Variants in KCNIP4 observed in about 807,000 individuals in gnomAD.
The protein encoded by KCNIP4 is Kv channel-interacting protein 4.
Under a neutral mutation model 34.0 loss-of-function variants are expected in KCNIP4, and 12 were observed. That is an observed-to-expected ratio of 0.35 (90% CI 0.23 to 0.57). The LOEUF is 0.57. KCNIP4 is among the 20% of genes least tolerant of loss of function. KCNIP4 has a pLI of 0.83. For missense variants in KCNIP4, 238 were observed against 311.7 expected, an observed-to-expected ratio of 0.76 and a Z score of 1.78; for synonymous variants, 124 against 102.2, an observed-to-expected ratio of 1.21 and a Z score of -1.29.
intron 1 of KCNIP4, among the ~76,000 whole-genome samples, chr4:21,051,578 T>C (rs1742935505): frequency 6.6e-6 from 1 of 152,190 alleles, no homozygotes; most frequent in African/African-American, 2.4e-5. Context: ...AGTTCTTTTT[T>C]TTTATTTTAC....
chr4:21,881,786 A>G (rs945359406), intron 1 of KCNIP4, among the ~76,000 whole-genome samples: 1 of 152,208 alleles, frequency 6.6e-6, no homozygotes, highest in African/African-American at 2.4e-5. Flanking sequence ...GTTTCCCAAA[A>G]CAACAACTTT....
intron 1 of KCNIP4, among the ~76,000 whole-genome samples, chr4:21,186,321 C>T (rs1755225309): frequency 6.6e-6 from 1 of 152,168 alleles, no homozygotes; most frequent in Non-Finnish European, 1.5e-5. Context: ...CTGGCAACAC[C>T]TACAAATACT....
chr4:21,681,873 C>CTTT (rs35681482), intron 1 of KCNIP4, among the ~76,000 whole-genome samples: 12 of 147,510 alleles, frequency 8.1e-5, no homozygotes, highest in African/African-American at 2.8e-4. Flanking sequence ...GAATGCCACA[C>CTTT]TTTTTTTTTT....
chr4:21,590,411 C>G (rs1182824033), intron 1 of KCNIP4, among the ~76,000 whole-genome samples: 1 of 151,880 alleles, frequency 6.6e-6, no homozygotes, highest in Non-Finnish European at 1.5e-5. Flanking sequence ...TATGAATAAT[C>G]TCAAGACTGT....
intron 1 of KCNIP4, among the ~76,000 whole-genome samples, chr4:21,356,020 T>A (rs1718555663): frequency 6.6e-6 from 1 of 152,070 alleles, no homozygotes; most frequent in Non-Finnish European, 1.5e-5. Flanking sequence ...ATAAACGTAA[T>A]CCATCACATA....
chr4:21,761,693 A>C (rs1057098613), intron 1 of KCNIP4, among the ~76,000 whole-genome samples: 1 of 152,138 alleles, frequency 6.6e-6, no homozygotes, highest in Non-Finnish European at 1.5e-5. Flanking sequence ...TCTTATAACA[A>C]AATTAATTTT....
intron 1 of KCNIP4, among the ~76,000 whole-genome samples, chr4:21,282,985 G>A (rs1033206763): frequency 3.3e-5 from 5 of 152,048 alleles, no homozygotes; most frequent in African/African-American, 9.7e-5. Context: ...TCATAGAAGG[G>A]ATACTATTTA....
In KCNIP4 at chr4:21,745,330, G is replaced by T. The variant is rs181796698; in HGVS notation, c.61+203241C>A. Among the ~76,000 whole-genome samples, 1,331 of 152,280 alleles carry T rather than the reference G, an allele frequency of 8.7e-3. 19 individuals carry two copies. The highest frequency in any genetic ancestry group is 0.039 in the South Asian group (187 of 4,814). ...TTTCAAAGACGTTTAGCAGATTTCAGAAAGTAGTAGCTACTCTTTATCTTT... is the reference window on the plus strand; with the variant it reads ...TTTCAAAGACGTTTAGCAGATTTCATAAAGTAGTAGCTACTCTTTATCTTT... On this transcript the variant is annotated intron_variant, in intron 1 of 8. Transcript: ENST00000382152.
At chr4:21,065,765 T>TATATATATATATATATATATAA (rs1491302260) in intron 1 of KCNIP4, among the ~76,000 whole-genome samples, 2 of 114,806 alleles carry the variant, frequency 1.7e-5, no homozygotes, top group African/African-American at 3.1e-5. Context: ...TATATATATA[T>TATATATATATATATATATATAA]AACTCAATTT....
chr4:21,025,296 A>G (rs976346472), intron 1 of KCNIP4, among the ~76,000 whole-genome samples: 1 of 152,076 alleles, frequency 6.6e-6, no homozygotes, highest in Non-Finnish European at 1.5e-5. Flanking sequence ...AACTCAGGAG[A>G]TGAACCATAC....
intron 1 of KCNIP4, among the ~76,000 whole-genome samples, chr4:21,682,400 G>A (rs1007270504): frequency 6.6e-6 from 1 of 152,154 alleles, no homozygotes; most frequent in Non-Finnish European, 1.5e-5. Context: ...CTCTGGATTA[G>A]GCTTTGGCTT....
intron 1 of KCNIP4, among the ~76,000 whole-genome samples, chr4:21,061,719 C>T (rs889172900): frequency 1.3e-5 from 2 of 152,118 alleles, no homozygotes; most frequent in African/African-American, 4.8e-5. Context: ...ATTATATGAT[C>T]CAAATTGTGC....
chr4:21,733,196 G>T (rs1194793400), intron 1 of KCNIP4, among the ~76,000 whole-genome samples: 1 of 152,062 alleles, frequency 6.6e-6, no homozygotes, highest in African/African-American at 2.4e-5. Flanking sequence ...CCAGTACCCT[G>T]TTGTAATTAA....
At chr4:21,309,800 A>G (rs1262188878) in intron 1 of KCNIP4, among the ~76,000 whole-genome samples, 1 of 152,160 alleles carries the variant, frequency 6.6e-6, no homozygotes, top group Non-Finnish European at 1.5e-5. Context: ...AACACCTGAA[A>G]TTCAAAGCAG....
chr4:20,927,171 G>A (rs962189470), intron 1 of KCNIP4, among the ~76,000 whole-genome samples: 19 of 152,060 alleles, frequency 1.2e-4, no homozygotes, highest in African/African-American at 4.6e-4. Flanking sequence ...TAGAGACAGG[G>A]TTTTACCATA....
chr4:21,363,137 C>G (rs1719399106), intron 1 of KCNIP4, among the ~76,000 whole-genome samples: 1 of 152,132 alleles, frequency 6.6e-6, no homozygotes, highest in African/African-American at 2.4e-5. Context: ...TAAGATCATA[C>G]AGTAGCTACT....
At chr4:20,850,840 G>T in intron 2 of KCNIP4, 173 bp from the exon 3 acceptor site, 1 of 561,722 alleles carries the variant, frequency 1.8e-6, no homozygotes, top group Non-Finnish European at 2.8e-6. Context: ...AGCGTATTAA[G>T]CTAAAACACT....
At chr4:21,689,626 T>C (rs1360314876) in intron 1 of KCNIP4, among the ~76,000 whole-genome samples, 1 of 152,172 alleles carries the variant, frequency 6.6e-6, no homozygotes, top group African/African-American at 2.4e-5. Context: ...ATTATTGTCA[T>C]TAAGACTATG....
chr4:21,775,829 G>A (rs1719135202), intron 1 of KCNIP4, among the ~76,000 whole-genome samples: 2 of 152,212 alleles, frequency 1.3e-5, no homozygotes, highest in Admixed American at 6.5e-5. Flanking sequence ...GCACAGCCTG[G>A]AGCTATGGAA....
Sources: gnomAD v4.1 joint callset for allele counts (sites outside exome capture counted in the v4.1 genomes callset) on GRCh38, gnomAD v4.1.1 for gene constraint, MANE v1.5 for transcripts, NCBI Gene and HGNC (gene_info 2026-07-23, HGNC 2026-07-21) for gene names.